ANTXR2: variants seen among roughly 807,000 people sequenced by gnomAD.
The protein encoded by ANTXR2 is ANTXR cell adhesion molecule 2.
Under a neutral mutation model 73.7 loss-of-function variants are expected in ANTXR2, and 44 were observed. The observed-to-expected ratio is 0.60, with a 90% CI of 0.47 to 0.77. The LOEUF is 0.77. Ranked by LOEUF, ANTXR2 falls within the 30% of genes least tolerant of loss-of-function variation. The pLI is 0.00. For synonymous variants in ANTXR2, 217 were observed against 205.9 expected, an observed-to-expected ratio of 1.05 and a Z score of -0.46; for missense variants, 604 against 592.5, an observed-to-expected ratio of 1.02 and a Z score of -0.20.
chr4:80,065,592 G>A (rs141349606), intron 3 of ANTXR2, among the ~76,000 whole-genome samples: 1 of 152,328 alleles, frequency 6.6e-6, no homozygotes, highest in East Asian at 1.9e-4. Flanking sequence ...AGGTTTTTAA[G>A]TTACGAGTAT....
At chr4:79,950,037 A>C (rs1053447842) in intron 16 of ANTXR2, among the ~76,000 whole-genome samples, 1 of 152,140 alleles carries the variant, frequency 6.6e-6, no homozygotes, top group African/African-American at 2.4e-5. Context: ...AAAATCTATA[A>C]AACTATTAGA....
At chr4:79,957,666 A>C (rs1728977098) in intron 16 of ANTXR2, among the ~76,000 whole-genome samples, 1 of 152,090 alleles carries the variant, frequency 6.6e-6, no homozygotes, top group African/African-American at 2.4e-5. Flanking sequence ...TCCGAAAATC[A>C]TACTTTTGAA....
At chr4:79,986,553 A>G (rs1730169786) in intron 12 of ANTXR2, among the ~76,000 whole-genome samples, 1 of 152,166 alleles carries the variant, frequency 6.6e-6, no homozygotes, top group African/African-American at 2.4e-5. Flanking sequence ...GGGTACAGAT[A>G]AAGAAAGATT....
At chr4:79,962,242 T>C (rs1453091722) in intron 16 of ANTXR2, among the ~76,000 whole-genome samples, 2 of 152,178 alleles carry the variant, frequency 1.3e-5, no homozygotes, top group Admixed American at 6.5e-5. Flanking sequence ...TAAGAATATA[T>C]GCATATATAT....
chr4:80,030,989 A>G (rs998417622), intron 10 of ANTXR2, among the ~76,000 whole-genome samples: 5 of 152,054 alleles, frequency 3.3e-5, no homozygotes, highest in Non-Finnish European at 5.9e-5. Flanking sequence ...CAGTAGAATT[A>G]CTTGTGTATA....
chr4:79,994,122 G>A (rs1311944662), intron 12 of ANTXR2, among the ~76,000 whole-genome samples: 2 of 151,822 alleles, frequency 1.3e-5, no homozygotes, highest in Non-Finnish European at 2.9e-5. Context: ...TTTATTGATA[G>A]TTATAATTAC....
intron 12 of ANTXR2, among the ~76,000 whole-genome samples, chr4:79,986,757 G>T (rs1024535994): frequency 6.6e-6 from 1 of 152,068 alleles, no homozygotes; most frequent in Non-Finnish European, 1.5e-5. Context: ...AGAGTGTTTT[G>T]CCAGCAGTCT....
At chr4:79,991,755 T>A (rs1175136864) in intron 12 of ANTXR2, among the ~76,000 whole-genome samples, 1 of 151,948 alleles carries the variant, frequency 6.6e-6, no homozygotes, top group East Asian at 1.9e-4. Flanking sequence ...GATACACCAG[T>A]GAATACTAAA....
At chr4:79,975,864 AATG>A (rs1335521006) in intron 16 of ANTXR2, among the ~76,000 whole-genome samples, 1 of 152,082 alleles carries the variant, frequency 6.6e-6, no homozygotes, top group African/African-American at 2.4e-5. Context: ...GCAAACAGTA[AATG>A]ATGATCTGTT....
intron 10 of ANTXR2, among the ~76,000 whole-genome samples, chr4:80,025,958 A>T (rs1038293482): frequency 6.6e-6 from 1 of 152,206 alleles, no homozygotes; most frequent in Non-Finnish European, 1.5e-5. Context: ...ATTGCACTAA[A>T]AATAAGCACT....
intron 12 of ANTXR2, among the ~76,000 whole-genome samples, chr4:79,998,521 C>T (rs1233590086): frequency 6.6e-6 from 1 of 152,008 alleles, no homozygotes; most frequent in Non-Finnish European, 1.5e-5. Context: ...GTCATTTCTC[C>T]TATCCTGATT....
rs144501955 is a variant in ANTXR2, at chr4:80,025,029, G to C, written c.867-6053C>G. 3.2e-3 allele frequency among the ~76,000 whole-genome samples: 491 copies of C among 152,214 alleles called. 2 individuals carry two copies. The highest frequency in any genetic ancestry group is 5.4e-3 in the Non-Finnish European group (368 of 67,992). ...TAACAAATATCTTAATCCATGCTTTGCTCCATCATTAAAATATGTTTTTTC... is the reference window on the plus strand; with the variant it reads ...TAACAAATATCTTAATCCATGCTTTCCTCCATCATTAAAATATGTTTTTTC... On this transcript the variant is annotated intron_variant, in intron 10 of 16. Coordinates refer to ENST00000403729, the MANE Select transcript of ANTXR2 (RefSeq NM_058172.6).
intron 11 of ANTXR2, among the ~76,000 whole-genome samples, chr4:80,012,758 G>A (rs1731652175): frequency 6.6e-6 from 1 of 152,148 alleles, no homozygotes; most frequent in Non-Finnish European, 1.5e-5. Flanking sequence ...CTTTTGCAGG[G>A]ACAGTAAGGA....
At chr4:80,005,219 G>A (rs1014575084) in intron 12 of ANTXR2, among the ~76,000 whole-genome samples, 2 of 152,092 alleles carry the variant, frequency 1.3e-5, no homozygotes, top group African/African-American at 4.8e-5. Flanking sequence ...TCATGGAGGT[G>A]GATAGCTGAC....
At chr4:79,979,420 A>G (rs920768744) in intron 14 of ANTXR2, among the ~76,000 whole-genome samples, 2 of 152,162 alleles carry the variant, frequency 1.3e-5, no homozygotes, top group African/African-American at 4.8e-5. Flanking sequence ...AAAAAATCCT[A>G]AGACTTCCTA....
intron 7 of ANTXR2, among the ~76,000 whole-genome samples, chr4:80,049,136 G>T (rs529086088): frequency 6.7e-6 from 1 of 149,404 alleles, no homozygotes; most frequent in Non-Finnish European, 1.5e-5. Flanking sequence ...TAAAAAAAAT[G>T]TGGGAATAAT....
intron 12 of ANTXR2, among the ~76,000 whole-genome samples, chr4:79,997,868 G>A (rs1189948668): frequency 1.3e-5 from 2 of 151,868 alleles, no homozygotes; most frequent in African/African-American, 4.8e-5. Flanking sequence ...ATGCTCTGTC[G>A]GAAAGCATCA....
chr4:79,961,560 G>A (rs1334253219), intron 16 of ANTXR2, among the ~76,000 whole-genome samples: 1 of 151,846 alleles, frequency 6.6e-6, no homozygotes, highest in Non-Finnish European at 1.5e-5. Flanking sequence ...TCAGCCTCCC[G>A]GGTAGCTGGT....
At chr4:79,924,145 T>C (rs1727693711) in intron 16 of ANTXR2, among the ~76,000 whole-genome samples, 1 of 152,084 alleles carries the variant, frequency 6.6e-6, no homozygotes. Context: ...CCCTCCTCTC[T>C]CCCTCTCTTC....
Sources: allele counts gnomAD v4.1 joint callset (sites outside exome capture counted in the v4.1 genomes callset), GRCh38; gene constraint gnomAD v4.1.1; transcripts MANE v1.5; gene names NCBI Gene and HGNC (gene_info 2026-07-23, HGNC 2026-07-21).